UBR4: variants seen among roughly 807,000 people sequenced by gnomAD.
The protein encoded by UBR4 is E3 ubiquitin-protein ligase UBR4.
A neutral mutation model predicts 575.6 loss-of-function variants in UBR4; 124 were observed. The observed-to-expected ratio is 0.22, with a 90% CI of 0.19 to 0.25. The LOEUF is 0.25. Among genes scored for constraint, UBR4 ranks in the 10% least tolerant of loss-of-function variants. UBR4 has a pLI of 1.00. For missense variants in UBR4, 4,818 were observed against 6,478.8 expected, an observed-to-expected ratio of 0.74 and a Z score of 8.80; for synonymous variants, 2,455 against 2,473.7, an observed-to-expected ratio of 0.99 and a Z score of 0.22.
At position 19,182,876 on chromosome 1, in the gene UBR4, C is replaced by CT. The variant is rs941967559; in HGVS notation, c.2184+934dup. 2.6e-5 allele frequency among the ~76,000 whole-genome samples: 4 copies of CT among 152,090 alleles called. No individual in the cohort carries two copies. In the South Asian group the frequency reaches 6.2e-4, roughly 24 times the overall value. ...ATAAAACTACAAGCAATTATTAAAACTTTTTTTAAATTTAAGGAATATAGA... is the reference window on the plus strand; with the variant it reads ...ATAAAACTACAAGCAATTATTAAAACTTTTTTTTAAATTTAAGGAATATAGA... On this transcript the variant is annotated intron_variant, in intron 17 of 105. Coordinates refer to ENST00000375254, the MANE Select transcript of UBR4 (RefSeq NM_020765.3).
intron 60 of UBR4, among the ~76,000 whole-genome samples, chr1:19,131,269 A>AAG (rs1403804726): frequency 2.3e-5 from 3 of 127,664 alleles, no homozygotes; most frequent in Non-Finnish European, 3.3e-5. Context: ...AAAAAAAAAA[A>AAG]TAAACACAGC....
intron 68 of UBR4, among the ~76,000 whole-genome samples, chr1:19,120,624 A>G (rs557663627): frequency 4.6e-5 from 7 of 152,346 alleles, no homozygotes; most frequent in African/African-American, 1.7e-4. Flanking sequence ...CACAGGATAA[A>G]GTGCTATGTA....
At position 19,127,650 on chromosome 1, in the gene UBR4, T is replaced by C. The variant is rs1193494181; in HGVS notation, c.9201A>G (p.Lys3067=). 6.2e-7 allele frequency: 1 copy of C among 1,614,108 alleles called. No individual in the cohort carries two copies. The highest frequency in any genetic ancestry group is 1.1e-5 in the South Asian group (1 of 91,082). Residue 3067 remains lysine (K), a synonymous_variant, in exon 63 of 106, where the codon AAA becomes AAG. Transcript: ENST00000375254. The part of the protein sequence containing the change: ...RLLSVFMSRT[K]SGSKSSICES... The stretch of plus-strand genomic sequence containing the variant: ...CACATATGGAAGACTTGGATCCAGA[T>C]TTGGTGCGGGACATGAAGACACTCA...
chr1:19,078,345 C>T (rs1226572917), intron 103 of UBR4: 3 of 335,680 alleles, frequency 8.9e-6, no homozygotes, highest in Admixed American at 9.0e-5. Context: ...GGGGAGACAT[C>T]GCCAGGGCAG....
intron 73 of UBR4, among the ~76,000 whole-genome samples, chr1:19,116,225 T>C (rs2149390452): frequency 6.6e-6 from 1 of 152,374 alleles, no homozygotes; most frequent in Admixed American, 6.5e-5. Flanking sequence ...AGTGGGGTCC[T>C]ACCTCCATTT....
intron 8 of UBR4, 82 bp downstream of exon 8, chr1:19,197,059 T>C: frequency 6.6e-7 from 1 of 1,512,334 alleles, no homozygotes; most frequent in East Asian, 2.3e-5. Context: ...ATGAGTAGAG[T>C]ATTCAGGAGG....
In UBR4 at chr1:19,081,333, G is replaced by A. The variant is rs372635156; in HGVS notation, c.15233+16C>T. 109 of 1,556,352 alleles carry A rather than the reference G, an allele frequency of 7.0e-5. No individual in the cohort carries two copies. Among genetic ancestry groups the A allele is most frequent in the Middle Eastern group, 3.5e-4 (2 of 5,710 alleles). On this transcript the variant is annotated intron_variant, in intron 103 of 105. Coordinates refer to ENST00000375254, the MANE Select transcript of UBR4 (RefSeq NM_020765.3). ...TGGGAAATAGTGAGCAGCAGCTTCC[G>A]GAAGCAGGTACTGACCTGGTGGCTC... is the stretch of plus-strand genomic sequence containing the variant.
chr1:19,163,838 GA>G lies in UBR4; in HGVS notation c.4701-12del. 2 of 1,607,872 alleles carry G rather than the reference GA, an allele frequency of 1.2e-6. No individual in the cohort carries two copies. Among genetic ancestry groups the G allele is most frequent in the Non-Finnish European group, 1.7e-6 (2 of 1,177,750 alleles). ...GACAGGTATTTCTTGCTGTCCCAAA[GA>G]AAAAAAAGAGGGGAAAGAGGAGACA... On this transcript the variant is annotated splice_polypyrimidine_tract_variant and intron_variant, in intron 33 of 105. Transcript: ENST00000375254.
intron 92 of UBR4, among the ~76,000 whole-genome samples, chr1:19,096,078 C>T (rs1025435517): frequency 5.9e-5 from 9 of 151,876 alleles, no homozygotes; most frequent in South Asian, 2.1e-4. Flanking sequence ...TTCTCATAAA[C>T]CCTGGGGGAG....
In UBR4 at chr1:19,152,908, A is replaced by G. The variant is rs2085935260; in HGVS notation, c.6832+393T>C. Among the ~76,000 whole-genome samples, 1 of 152,226 alleles carries G rather than the reference A, an allele frequency of 6.6e-6. No individual in the cohort carries two copies. The highest frequency in any genetic ancestry group is 1.5e-5 in the Non-Finnish European group (1 of 68,036). On this transcript the variant is annotated intron_variant, in intron 46 of 105. Coordinates refer to ENST00000375254, the MANE Select transcript of UBR4 (RefSeq NM_020765.3). This position sits in a 1 kb window ranked among gnomAD's most constrained non-coding sequence, Gnocchi z 4.4. ...TAAACTCAAGCTTTCACTTTCCTGA[A>G]GAGTCCTGAGTCAGTCAAGTGCTAG...
At chr1:19,096,989 A>G (rs1204519829) in intron 91 of UBR4, among the ~76,000 whole-genome samples, 1 of 114,774 alleles carries the variant, frequency 8.7e-6, no homozygotes, top group Non-Finnish European at 1.9e-5. Flanking sequence ...GTTTGCTGGT[A>G]TTCTTTTTTT....
chr1:19,114,712 A>T, intron 75 of UBR4, 99 bp downstream of exon 75: 1 of 1,481,982 alleles, frequency 6.7e-7, no homozygotes, highest in Non-Finnish European at 9.1e-7. Context: ...GAGTCGAAGA[A>T]GGCTTAGGCT....
intron 60 of UBR4, among the ~76,000 whole-genome samples, chr1:19,137,563 T>C (rs1463723830): frequency 6.6e-6 from 1 of 152,198 alleles, no homozygotes; most frequent in Admixed American, 6.5e-5. Context: ...ATTTGCTATG[T>C]CTTATTTCTC....
At position 19,126,552 on chromosome 1, in the gene UBR4, C is replaced by G. The variant is rs780032681; in HGVS notation, c.9332G>C (p.Ser3111Thr). ...CACAGGCTCCTCGTCATTCTGTTGG[C>G]TCTTCCAATATTCCAGCAGTGATTT... is the stretch of plus-strand genomic sequence containing the variant. ...VLKSLLEYWK[S>T]QQNDEEPVAT... is the part of the protein sequence containing the mutation. The change falls in exon 64 of 106, where the codon AGC (serine) becomes ACC (threonine). Residue 3111 changes from serine to threonine, a missense_variant. By Grantham distance (58) the Ser-to-Thr change is moderately conservative (BLOSUM62 1). Transcript: ENST00000375254. 5.0e-6 allele frequency: 8 copies of G among 1,614,068 alleles called. No homozygotes were observed. The Admixed American group carries it at 1.0e-4, about 20-fold the overall frequency.
In UBR4 at chr1:19,133,848, G is replaced by A. The variant is rs535391592; in HGVS notation, c.8906+4159C>T. Among the ~76,000 whole-genome samples, 34 of 152,168 alleles carry A rather than the reference G, an allele frequency of 2.2e-4. No homozygotes were observed. The South Asian group carries it at 7.0e-3, about 32-fold the overall frequency. ...TATCCCAGCACTTTGGGAGGCCAAG[G>A]TGGGTGGATCACCTGAGGTTGGGGG... is the stretch of plus-strand genomic sequence containing the variant. On this transcript the variant is annotated intron_variant, in intron 60 of 105. Transcript: ENST00000375254.
intron 63 of UBR4, 128 bp from the exon 64 acceptor site, chr1:19,126,783 G>T: frequency 1.0e-6 from 1 of 974,406 alleles, no homozygotes. Context: ...AGTGAATCAG[G>T]CTCTTGCACT....
Position 19,086,350 on chromosome 1 carries a change from G to A in UBR4, c.14688-80C>T, listed in dbSNP as rs1431428946. On this transcript the variant is annotated intron_variant, in intron 100 of 105. Transcript: ENST00000375254. The stretch of plus-strand genomic sequence containing the variant: ...GGCACCTGGGCGGGGGGGCGGGGGT[G>A]GGGGTGGGGGCATGCCAACACTAAG... 5.2e-6 allele frequency: 5 copies of A among 954,658 alleles called. No homozygotes were observed. The African/African-American group carries it at 7.2e-5, about 14-fold the overall frequency. 59.1% of individuals were successfully genotyped at this position (954,658 alleles called of 1,614,324 possible).
intron 77 of UBR4, 28 bp downstream of exon 77, chr1:19,113,671 C>T (rs2149343492): frequency 6.2e-7 from 1 of 1,612,900 alleles, no homozygotes; most frequent in Non-Finnish European, 8.5e-7. Context: ...GGACAAAACA[C>T]ACCCAAAAGC....
Position 19,133,807 on chromosome 1 carries a change from G to A in UBR4, c.8906+4200C>T, listed in dbSNP as rs531388681. On this transcript the variant is annotated intron_variant, in intron 60 of 105. Transcript: ENST00000375254. ...CAAAAAAAAAAACTAGGCTGGGTACGGTGGCTCACACCTGTTATCCCAGCA... is the reference window on the plus strand; with the variant it reads ...CAAAAAAAAAAACTAGGCTGGGTACAGTGGCTCACACCTGTTATCCCAGCA... Among the ~76,000 whole-genome samples, 41 of 151,674 alleles carry A rather than the reference G, an allele frequency of 2.7e-4. 1 individual carries two copies. The East Asian group carries it at 6.2e-3, about 23-fold the overall frequency.
Sources: gnomAD v4.1 joint callset for allele counts (sites outside exome capture counted in the v4.1 genomes callset) on GRCh38, gnomAD v4.1.1 for gene constraint, Gnocchi (gnomAD v3.1) non-coding constraint, MANE v1.5 for transcripts, NCBI Gene and HGNC (gene_info 2026-07-23, HGNC 2026-07-21) for gene names.